The following UBE3D variants were observed in gnomAD, a reference collection of about 807,000 sequenced individuals.
The protein encoded by UBE3D is E3 ubiquitin-protein ligase E3D.
In UBE3D, 48 loss-of-function variants were observed where a neutral mutation model predicts 49.6. The ratio of observed to expected loss-of-function variants is 0.97; its 90% confidence interval spans 0.77 to 1.23. The LOEUF (loss-of-function observed/expected upper bound fraction) is 1.23. UBE3D is among the 50% of genes most tolerant of loss of function. UBE3D has a pLI of 0.00. For missense variants in UBE3D, 452 were observed against 468.4 expected, an observed-to-expected ratio of 0.96 and a Z score of 0.32; for synonymous variants, 189 against 174.2, an observed-to-expected ratio of 1.08 and a Z score of -0.67.
intron 9 of UBE3D, among the ~76,000 whole-genome samples, chr6:82,926,488 G>C (rs1773760094): frequency 6.6e-6 from 1 of 152,120 alleles, no homozygotes; most frequent in Admixed American, 6.6e-5. Context: ...TATGGTAAGA[G>C]TATGTTAAGT....
At chr6:82,967,871 G>C (rs2183115) in intron 8 of UBE3D, among the ~76,000 whole-genome samples, 13,711 of 151,998 alleles carry the variant, frequency 0.09, 829 homozygotes, top group Non-Finnish European at 0.13. Flanking sequence ...TCAAACTCCT[G>C]GCCTCAAGCA....
intron 9 of UBE3D, among the ~76,000 whole-genome samples, chr6:82,905,050 C>G (rs542480741): frequency 2.0e-4 from 31 of 152,258 alleles, no homozygotes; most frequent in African/African-American, 7.0e-4. Context: ...ATAATCCACT[C>G]CTGAGAAATT....
intron 8 of UBE3D, among the ~76,000 whole-genome samples, chr6:82,964,116 C>T (rs1476968968): frequency 6.6e-6 from 1 of 151,762 alleles, no homozygotes; most frequent in Admixed American, 6.6e-5. Flanking sequence ...GAGGACACAC[C>T]ATCCTTATTT....
chr6:82,976,201 A>G (rs902456439), intron 8 of UBE3D, among the ~76,000 whole-genome samples: 2 of 152,162 alleles, frequency 1.3e-5, no homozygotes, highest in African/African-American at 4.8e-5. Flanking sequence ...ACTCAACCTA[A>G]CATCCATTCA....
intron 8 of UBE3D, among the ~76,000 whole-genome samples, chr6:82,983,626 C>T (rs1778263072): frequency 6.6e-6 from 1 of 151,970 alleles, no homozygotes; most frequent in African/African-American, 2.4e-5. Context: ...TTTATTTAAT[C>T]TCATCAATCT....
chr6:82,894,538 C>T (rs1397012621), intron 9 of UBE3D, among the ~76,000 whole-genome samples: 4 of 152,164 alleles, frequency 2.6e-5, no homozygotes, highest in African/African-American at 9.7e-5. Flanking sequence ...CCCACCTCTG[C>T]AGGTCTTGTG....
chr6:82,917,118 C>T (rs896186235), intron 9 of UBE3D, among the ~76,000 whole-genome samples: 3 of 151,974 alleles, frequency 2.0e-5, no homozygotes, highest in African/African-American at 7.3e-5. Flanking sequence ...GAGCTTTTTC[C>T]CAATTCATAT....
At chr6:82,919,839 T>C (rs569834294) in intron 9 of UBE3D, among the ~76,000 whole-genome samples, 20 of 152,192 alleles carry the variant, frequency 1.3e-4, no homozygotes, top group African/African-American at 4.8e-4. Context: ...CTGGTTACTT[T>C]AGGAGAATGA....
chr6:83,044,618 C>A lies in UBE3D; in HGVS notation c.407G>T (p.Gly136Val), dbSNP rs761856578. 1.1e-5 allele frequency: 17 copies of A among 1,614,082 alleles called. No individual in the cohort carries two copies. The highest frequency in any genetic ancestry group is 1.4e-5 in the Non-Finnish European group (16 of 1,179,974). The change falls in exon 4 of 10, where the codon GGA becomes GTA. Residue 136 changes from glycine to valine, a missense_variant. Gly to Val is a moderately radical substitution (Grantham distance 109). Coordinates refer to ENST00000369747, the MANE Select transcript of UBE3D (RefSeq NM_198920.3). ...RVLPLPSENWGALVGEWCCHP... is the reference protein window; with the variant it reads ...RVLPLPSENWVALVGEWCCHP... Reference sequence around the variant, plus strand: ...ACAACACCATTCTCCAACTAGAGCTCCCCAGTTCTCACTCGGCAGTGGGAG... The same window carrying A: ...ACAACACCATTCTCCAACTAGAGCTACCCAGTTCTCACTCGGCAGTGGGAG...
chr6:82,964,586 C>T (rs1184239890), intron 8 of UBE3D, among the ~76,000 whole-genome samples: 1 of 152,090 alleles, frequency 6.6e-6, no homozygotes, highest in Non-Finnish European at 1.5e-5. Context: ...TTGCTTATAC[C>T]TGTAAATTTT....
At chr6:82,971,801 G>C (rs1285621732) in intron 8 of UBE3D, among the ~76,000 whole-genome samples, 2 of 151,926 alleles carry the variant, frequency 1.3e-5, no homozygotes, top group African/African-American at 4.8e-5. Context: ...AACATGTCAG[G>C]AAATATATTT....
intron 8 of UBE3D, among the ~76,000 whole-genome samples, chr6:83,012,568 T>C (rs1412558611): frequency 6.6e-6 from 1 of 152,136 alleles, no homozygotes; most frequent in Non-Finnish European, 1.5e-5. Flanking sequence ...ATCCACTTGA[T>C]TATTAAAATC....
At chr6:83,061,243 A>G (rs1784150801) in intron 1 of UBE3D, among the ~76,000 whole-genome samples, 1 of 152,214 alleles carries the variant, frequency 6.6e-6, no homozygotes, top group African/African-American at 2.4e-5. Context: ...CATGAAAGTC[A>G]ATGGAAAATG....
rs188416484 is a variant in UBE3D at position 82,919,331 on chromosome 6, C to T, written c.1150-26289G>A. Among the ~76,000 whole-genome samples, 704 of 151,976 alleles carry T rather than the reference C, an allele frequency of 4.6e-3. 2 individuals carry two copies. The highest frequency in any genetic ancestry group is 7.2e-3 in the African/African-American group (300 of 41,426). On this transcript the variant is annotated intron_variant, in intron 9 of 9. Transcript: ENST00000369747. ...AGAAGTATCAGGACCTGGCCAGGCACGGTGGCTCATGCCTGTAATCTCAGC... is the reference window on the plus strand; with the variant it reads ...AGAAGTATCAGGACCTGGCCAGGCATGGTGGCTCATGCCTGTAATCTCAGC...
At chr6:82,881,551 T>C in the UBE3D span, among the ~76,000 whole-genome samples, 1 of 152,190 alleles carries the variant, frequency 6.6e-6, no homozygotes, top group African/African-American at 2.4e-5. Context: ...CAGTTGGATT[T>C]GAACAGCAGA....
intron 3 of UBE3D, among the ~76,000 whole-genome samples, chr6:83,053,666 T>C (rs1284780548): frequency 2.0e-5 from 3 of 152,150 alleles, no homozygotes; most frequent in Non-Finnish European, 4.4e-5. Context: ...ACCTAATCAT[T>C]GACAAAAGGT....
Position 83,057,846 on chromosome 6 carries a change from G to A in UBE3D, c.254C>T (p.Thr85Met), listed in dbSNP as rs1433304516. 6.2e-6 allele frequency: 10 copies of A among 1,613,952 alleles called. No homozygotes were observed. The highest frequency in any genetic ancestry group is 4.0e-5 in the African/African-American group (3 of 74,904). ...CTCACTTGTGCCTAATTTTGCTTGC[G>A]TCTGCAGTCGCAGGTGCAGTCCATC... is the stretch of plus-strand genomic sequence containing the variant. ...VGDGLHLRLQ[T>M]QAKLGTKLIS... is the part of the protein sequence containing the mutation. Residue 85 changes from threonine (T) to methionine (M), a missense_variant, in exon 2 of 10, where the codon ACG (threonine) becomes ATG (methionine). Coordinates refer to ENST00000369747, the MANE Select transcript of UBE3D (RefSeq NM_198920.3).
At chr6:83,032,143 A>G in intron 5 of UBE3D, 1 of 454,418 alleles carries the variant, frequency 2.2e-6, no homozygotes. Context: ...AATCCTCCAG[A>G]CCCCAGAATG....
At chr6:83,036,342 CTCTG>C (rs1782254543) in intron 5 of UBE3D, 1 of 151,924 alleles carries the variant, frequency 6.6e-6, no homozygotes, top group Admixed American at 6.6e-5. Flanking sequence ...AATTTTCAAT[CTCTG>C]TCTTTTGGTT....
Sources: gnomAD v4.1 joint callset for allele counts (sites outside exome capture counted in the v4.1 genomes callset) on GRCh38, gnomAD v4.1.1 for gene constraint, MANE v1.5 for transcripts, NCBI Gene and HGNC (gene_info 2026-07-23, HGNC 2026-07-21) for gene names.